ESYT2: variants seen among roughly 807,000 people sequenced by gnomAD.
ESYT2 encodes the protein extended synaptotagmin-2.
Under a neutral mutation model 107.2 loss-of-function variants are expected in ESYT2, and 54 were observed. That is an observed-to-expected ratio of 0.50 (90% CI 0.40 to 0.63). ESYT2 has a LOEUF of 0.63. ESYT2 is among the 30% of genes least tolerant of loss of function. The pLI is 0.00. For missense variants in ESYT2, 1,020 were observed against 1,094.5 expected (o/e 0.93, Z 0.96); for synonymous variants, 491 against 434.1 (o/e 1.13, Z -1.63).
chr7:158,779,011 T>A (rs116281843), intron 6 of ESYT2, among the ~76,000 whole-genome samples: 5,069 of 152,218 alleles, frequency 0.033, 235 homozygotes, highest in African/African-American at 0.11. Context: ...TGACATAATG[T>A]TTTGCTAGAT....
intron 9 of ESYT2, among the ~76,000 whole-genome samples, chr7:158,763,956 G>A (rs1838064929): frequency 6.6e-6 from 1 of 152,170 alleles, no homozygotes; most frequent in Non-Finnish European, 1.5e-5. Context: ...GTCGTACGGT[G>A]AAGTATAAAC....
chr7:158,792,722 A>C (rs1430151760), intron 4 of ESYT2, among the ~76,000 whole-genome samples: 4 of 151,672 alleles, frequency 2.6e-5, no homozygotes, highest in East Asian at 3.9e-4. Flanking sequence ...CCTGATTTTA[A>C]AGAAAAAGCT....
chr7:158,793,987 C>G (rs1839384039), intron 3 of ESYT2, among the ~76,000 whole-genome samples: 1 of 152,226 alleles, frequency 6.6e-6, no homozygotes, highest in Non-Finnish European at 1.5e-5. Flanking sequence ...AATGTCAAGA[C>G]AGCAGTGCAT....
At chr7:158,754,146 C>T (rs745533127) in intron 13 of ESYT2, among the ~76,000 whole-genome samples, 1 of 152,034 alleles carries the variant, frequency 6.6e-6, no homozygotes, top group African/African-American at 2.4e-5. Flanking sequence ...CTTGCAGCCT[C>T]GGGCTACTCA....
In ESYT2 at chr7:158,764,809, C is replaced by T. The variant is rs1363237978; in HGVS notation, c.969G>A (p.Gly323=). ...IHFIEAQDLQ[G]KDTYLKGLVK... is the part of the protein sequence containing the mutation. ...CAAGTCCCTTAAGGTAAGTGTCTTTCCCCTGAAGATCCTGAGCTTCAATAA... is the reference window on the plus strand; with the variant it reads ...CAAGTCCCTTAAGGTAAGTGTCTTTTCCCTGAAGATCCTGAGCTTCAATAA... The change falls in exon 9 of 23, where the codon GGG becomes GGA. Residue 323 remains glycine, a synonymous_variant. Coordinates refer to ENST00000275418, the MANE Select transcript of ESYT2 (RefSeq NM_001367773.1). The T allele has an allele frequency of 1.9e-6, 3 of 1,614,154 alleles. No homozygotes were observed. In the East Asian group the frequency reaches 6.7e-5, roughly 36 times the overall value.
chr7:158,784,358 A>G (rs904863343), intron 6 of ESYT2, among the ~76,000 whole-genome samples: 4 of 152,182 alleles, frequency 2.6e-5, no homozygotes, highest in Admixed American at 6.5e-5. Flanking sequence ...CTGTTCAAAC[A>G]CTGCAACCCT....
chr7:158,769,409 A>T (rs1838276199), intron 7 of ESYT2, among the ~76,000 whole-genome samples: 1 of 152,140 alleles, frequency 6.6e-6, no homozygotes, highest in Non-Finnish European at 1.5e-5. Flanking sequence ...GCTCTGACGG[A>T]GCTCCCTGGC....
intron 6 of ESYT2, among the ~76,000 whole-genome samples, chr7:158,786,010 T>G (rs1287704454): frequency 6.6e-6 from 1 of 152,238 alleles, no homozygotes; most frequent in Non-Finnish European, 1.5e-5. Flanking sequence ...AACTCTGTTC[T>G]CATATTTTCC....
intron 21 of ESYT2, among the ~76,000 whole-genome samples, chr7:158,735,058 T>G (rs1369077489): frequency 6.6e-6 from 1 of 152,270 alleles, no homozygotes; most frequent in East Asian, 1.9e-4. Context: ...TTGGCCCATG[T>G]GCCCTCCATG....
rs111976708 is a variant in ESYT2 at position 158,750,645 on chromosome 7, A to AAAGTG, written c.1483-923_1483-922insCACTT. On this transcript the variant is annotated intron_variant, in intron 14 of 22. Coordinates refer to ENST00000275418, the MANE Select transcript of ESYT2 (RefSeq NM_001367773.1). ...TCTTTCTGATGTGAATGAATTCTGC[A>AAAGTG]AAATAAGTACTGTTGAAAAAAGTTT... Among the ~76,000 whole-genome samples the AAAGTG allele has an allele frequency of 5.1e-3, 777 of 152,362 alleles. 4 individuals carry two copies. The highest frequency in any genetic ancestry group is 0.018 in the African/African-American group (746 of 41,590).
Position 158,739,138 on chromosome 7 carries a change from G to GA in ESYT2, c.2169-18dup, listed in dbSNP as rs1837094894. 3 of 1,611,524 alleles carry GA rather than the reference G, an allele frequency of 1.9e-6. No individual in the cohort carries two copies. The highest frequency in any genetic ancestry group is 2.7e-5 in the African/African-American group (2 of 74,996). On this transcript the variant is annotated splice_polypyrimidine_tract_variant and intron_variant, in intron 18 of 22. Transcript: ENST00000275418. ...GTCGTCCCGCTGTGGGAAAAGAGCA[G>GA]AAAGTCACCAGCTTGCCTGAGACTG...
In ESYT2 at chr7:158,814,229, G is replaced by A. The variant is rs928497944; in HGVS notation, c.330+14860C>T. On this transcript the variant is annotated intron_variant, in intron 1 of 22. Transcript: ENST00000275418. ...GCGGAGCTTGCAGTGAGCCAAGATC[G>A]CGCCACTGCACTCCAGCCTGGGCGA... is the stretch of plus-strand genomic sequence containing the variant. Among the ~76,000 whole-genome samples, 8 of 149,350 alleles carry A rather than the reference G, an allele frequency of 5.4e-5. No individual in the cohort carries two copies. In the South Asian group the frequency reaches 1.3e-3, roughly 24 times the overall value.
intron 3 of ESYT2, among the ~76,000 whole-genome samples, chr7:158,797,652 G>A (rs566832076): frequency 9.9e-4 from 151 of 152,104 alleles, no homozygotes; most frequent in African/African-American, 3.2e-3. Flanking sequence ...TCAGGAGATC[G>A]AGACCATCCT....
Position 158,763,219 on chromosome 7 carries a change from CTGAG to C in ESYT2, c.1102-58_1102-55del, listed in dbSNP as rs893231400. ...GCATTTTTACTAATATAGTCATACA[CTGAG>C]TATGATATGATGATTGTAGTAAATA... On this transcript the variant is annotated intron_variant, in intron 9 of 22. Transcript: ENST00000275418. 1.7e-4 allele frequency: 223 copies of C among 1,284,178 alleles called. No individual in the cohort carries two copies. The African/African-American group carries it at 2.5e-3, about 14-fold the overall frequency. The allele number at this position is 1,284,178 out of a possible 1,614,324, so 79.5% of individuals were successfully genotyped here.
chr7:158,812,300 C>T (rs1225008509), intron 1 of ESYT2, among the ~76,000 whole-genome samples: 1 of 152,182 alleles, frequency 6.6e-6, no homozygotes, highest in African/African-American at 2.4e-5. Context: ...TGGCCAATTT[C>T]AAGCTACCAA....
At position 158,779,947 on chromosome 7, in the gene ESYT2, C is replaced by A. The variant is rs79737548; in HGVS notation, c.748-6551G>T. On this transcript the variant is annotated intron_variant, in intron 6 of 22. Transcript: ENST00000275418. Reference sequence around the variant, plus strand: ...TACAAGACACTTAAGTGGTCAGCATCCAACTTGGTTTCTACCACTAAGGGC... The same window carrying A: ...TACAAGACACTTAAGTGGTCAGCATACAACTTGGTTTCTACCACTAAGGGC... 4.5e-3 allele frequency among the ~76,000 whole-genome samples: 692 copies of A among 152,370 alleles called. 43 individuals carry two copies. In the East Asian group the frequency reaches 0.12, roughly 26 times the overall value.
At position 158,826,923 on chromosome 7, in the gene ESYT2, G is replaced by A. The variant is rs573573850; in HGVS notation, c.330+2166C>T. On this transcript the variant is annotated intron_variant, in intron 1 of 22. Coordinates refer to ENST00000275418, the MANE Select transcript of ESYT2 (RefSeq NM_001367773.1). ...CTCACGCCTGTAATCCCTGCACTTG[G>A]GGAGGCCAAGGCAGGCGGAACACAA... 2.3e-3 allele frequency among the ~76,000 whole-genome samples: 345 copies of A among 151,356 alleles called. 2 individuals are homozygous for A. Among genetic ancestry groups the A allele is most frequent in the Non-Finnish European group, 3.0e-3 (202 of 67,808 alleles).
Position 158,764,750 on chromosome 7 carries a change from C to T in ESYT2, c.1028G>A (p.Arg343Lys). ...KGKSDPYGII[R>K]VGNQIFQSRV... is the part of the protein sequence containing the mutation. ...GCTTTGGAAGATTTGGTTGCCAACT[C>T]TAATGATTCCATAGGGGTCTGACTT... Residue 343 changes from arginine to lysine, a missense_variant, in exon 9 of 23, where the codon AGA becomes AAA. By Grantham distance (26) the Arg-to-Lys change is conservative. Transcript: ENST00000275418. 1.2e-6 allele frequency: 2 copies of T among 1,614,174 alleles called. No individual in the cohort carries two copies. Among genetic ancestry groups the T allele is most frequent in the South Asian group, 2.2e-5 (2 of 91,072 alleles).
intron 6 of ESYT2, among the ~76,000 whole-genome samples, chr7:158,787,050 G>A (rs1839137995): frequency 6.6e-6 from 1 of 152,160 alleles, no homozygotes; most frequent in Non-Finnish European, 1.5e-5. Flanking sequence ...CATATGGGCA[G>A]TGTGCACCTG....
Sources: gnomAD v4.1 joint callset for allele counts (sites outside exome capture counted in the v4.1 genomes callset) on GRCh38, gnomAD v4.1.1 for gene constraint, MANE v1.5 for transcripts, NCBI Gene and HGNC (gene_info 2026-07-23, HGNC 2026-07-21) for gene names.